The following MRTFB variants were observed in gnomAD, a reference collection of about 807,000 sequenced individuals.
MRTFB encodes the protein myocardin related transcription factor B.
In MRTFB, 29 loss-of-function variants were observed where a neutral mutation model predicts 104.2. That is an observed-to-expected ratio of 0.28 (90% CI 0.21 to 0.38). The LOEUF (loss-of-function observed/expected upper bound fraction) is 0.38. MRTFB is among the 10% of genes least tolerant of loss of function. The probability of loss-of-function intolerance (pLI) is 1.00; values close to 1 mark genes in which losing one functional copy is unlikely to be tolerated. For synonymous variants in MRTFB, 535 were observed against 519.5 expected, an observed-to-expected ratio of 1.03 and a Z score of -0.41; for missense variants, 1,270 against 1,341.6, an observed-to-expected ratio of 0.95 and a Z score of 0.83.
chr16:14,228,013 T>C (rs1400967031), intron 8 of MRTFB, among the ~76,000 whole-genome samples: 2 of 149,722 alleles, frequency 1.3e-5, no homozygotes, highest in Non-Finnish European at 3.0e-5. Context: ...GGATATGCAA[T>C]TGGCCAATAA....
the MRTFB span, among the ~76,000 whole-genome samples, chr16:14,046,488 T>C: frequency 6.6e-6 from 1 of 152,152 alleles, no homozygotes; most frequent in Non-Finnish European, 1.5e-5. Context: ...CACGGTTCTG[T>C]TCTTCTTCCC....
chr16:14,259,137 A>G (rs1384718940), intron 16 of MRTFB, among the ~76,000 whole-genome samples: 1 of 152,210 alleles, frequency 6.6e-6, no homozygotes, highest in Admixed American at 6.5e-5. Flanking sequence ...TTGGCCTTAC[A>G]AAAATAACTT....
At chr16:14,128,864 G>A (rs971928995) in intron 2 of MRTFB, among the ~76,000 whole-genome samples, 19 of 152,100 alleles carry the variant, frequency 1.2e-4, no homozygotes, top group African/African-American at 4.6e-4. Flanking sequence ...TCTAGGTTTT[G>A]ACAAACACAC....
At chr16:14,210,441 G>A in intron 4 of MRTFB, 133 bp downstream of exon 4, 1 of 619,118 alleles carries the variant, frequency 1.6e-6, no homozygotes. Flanking sequence ...GAATTTCCAA[G>A]GAAAAATCAG....
chr16:14,059,352 C>T, the MRTFB span, among the ~76,000 whole-genome samples: 1 of 152,100 alleles, frequency 6.6e-6, no homozygotes, highest in Non-Finnish European at 1.5e-5. Flanking sequence ...TTTGCTAATC[C>T]GTTAATCAAC....
the MRTFB span, among the ~76,000 whole-genome samples, chr16:14,028,738 C>G: frequency 6.6e-6 from 1 of 152,202 alleles, no homozygotes; most frequent in Admixed American, 6.5e-5. Context: ...CATGGAGCCT[C>G]AGTGTTTCCA....
intron 3 of MRTFB, chr16:14,143,570 T>G (rs990252597): frequency 6.6e-6 from 1 of 151,772 alleles, no homozygotes; most frequent in Admixed American, 6.6e-5. Flanking sequence ...TGCAGGTTAG[T>G]TACATATGTA....
intron 6 of MRTFB, among the ~76,000 whole-genome samples, chr16:14,214,441 G>C (rs1054550800): frequency 2.6e-5 from 4 of 152,180 alleles, no homozygotes; most frequent in African/African-American, 7.2e-5. Context: ...GATAGGATTA[G>C]AGTTAGTATT....
At chr16:14,163,926 T>C (rs1220914065) in intron 3 of MRTFB, among the ~76,000 whole-genome samples, 1 of 152,192 alleles carries the variant, frequency 6.6e-6, no homozygotes, top group East Asian at 1.9e-4. Flanking sequence ...CCTTTTTTGA[T>C]ACATAATACT....
chr16:14,064,554 TG>T, the MRTFB span, among the ~76,000 whole-genome samples: 1 of 152,226 alleles, frequency 6.6e-6, no homozygotes, highest in African/African-American at 2.4e-5. Flanking sequence ...ATGTCTAGAA[TG>T]GTATTTCCTA....
At chr16:14,222,564 C>G (rs2041780322) in intron 8 of MRTFB, among the ~76,000 whole-genome samples, 1 of 92,094 alleles carries the variant, frequency 1.1e-5, no homozygotes, top group African/African-American at 2.8e-5. Flanking sequence ...TCTAATTTCC[C>G]TGTTTAGGTT....
chr16:14,046,289 G>A, the MRTFB span, among the ~76,000 whole-genome samples: 14 of 152,184 alleles, frequency 9.2e-5, no homozygotes, highest in South Asian at 2.1e-4. Flanking sequence ...TTGTGCCACC[G>A]CACTCCAGCC....
chr16:14,000,104 GAC>G, the MRTFB span, among the ~76,000 whole-genome samples: 5 of 152,278 alleles, frequency 3.3e-5, no homozygotes, highest in African/African-American at 1.2e-4. Flanking sequence ...GGGCTGGAGA[GAC>G]AGAGAGAGAG....
chr16:14,229,187 A>G (rs1023588230), intron 8 of MRTFB, among the ~76,000 whole-genome samples: 2 of 152,216 alleles, frequency 1.3e-5, no homozygotes, highest in East Asian at 3.8e-4. Context: ...TGTGCAAGGA[A>G]ATTCACTTTT....
chr16:14,090,616 T>C (rs1270667317), intron 2 of MRTFB, among the ~76,000 whole-genome samples: 2 of 152,138 alleles, frequency 1.3e-5, no homozygotes, highest in Non-Finnish European at 2.9e-5. Flanking sequence ...CGGGTGAGAA[T>C]ACTTTATAGA....
At chr16:14,111,811 C>T (rs2036283022) in intron 2 of MRTFB, among the ~76,000 whole-genome samples, 1 of 152,172 alleles carries the variant, frequency 6.6e-6, no homozygotes, top group African/African-American at 2.4e-5. Flanking sequence ...ACCTTTCACC[C>T]TCAATTGATG....
intron 15 of MRTFB, among the ~76,000 whole-genome samples, chr16:14,253,030 G>C (rs549409274): frequency 3.2e-4 from 49 of 152,280 alleles, no homozygotes; most frequent in African/African-American, 1.1e-3. Context: ...TAACAGATCT[G>C]AGGTTCTCCT....
the MRTFB span, among the ~76,000 whole-genome samples, chr16:13,995,023 CT>C: frequency 1.1e-3 from 166 of 148,946 alleles, 1 homozygote; most frequent in African/African-American, 3.2e-3. Flanking sequence ...TATTTATTTA[CT>C]TTTTTTTTTG....
At chr16:14,071,068 A>G (rs1010405211), upstream of MRTFB, among the ~76,000 whole-genome samples, 15 of 152,088 alleles carry the variant, frequency 9.9e-5, no homozygotes, top group African/African-American at 3.6e-4. Context: ...GGACATGCGC[A>G]TGCGCACGCG....
Sources: gnomAD v4.1 joint callset for allele counts (sites outside exome capture counted in the v4.1 genomes callset) on GRCh38, gnomAD v4.1.1 for gene constraint, MANE v1.5 for transcripts, NCBI Gene and HGNC (gene_info 2026-07-23, HGNC 2026-07-21) for gene names.